The following PLB1 variants were observed in gnomAD, a reference collection of about 807,000 sequenced individuals.
PLB1 encodes the protein phospholipase B1, membrane-associated.
Under a neutral mutation model 227.4 loss-of-function variants are expected in PLB1, and 242 were observed. The observed-to-expected ratio is 1.06, with a 90% CI of 0.96 to 1.18. PLB1 has a LOEUF of 1.18. Ranked by LOEUF, PLB1 falls within the 50% of genes most tolerant of loss-of-function variation. The pLI, the probability that PLB1 is intolerant of heterozygous loss-of-function variation, is 0.00. For synonymous variants in PLB1, 757 were observed against 682.2 expected (o/e 1.11, Z -1.71); for missense variants, 1,858 against 1,816.3 (o/e 1.02, Z -0.42).
chr2:28,505,690 T>G (rs1489748159), intron 1 of PLB1, among the ~76,000 whole-genome samples: 1 of 152,216 alleles, frequency 6.6e-6, no homozygotes, highest in African/African-American at 2.4e-5. Flanking sequence ...TCCTGAAGGT[T>G]GGCTTTCCTT....
At position 28,543,281 on chromosome 2, in the gene PLB1, G is replaced by C; in HGVS notation, c.936+13G>C. 6.2e-7 allele frequency: 1 copy of C among 1,609,872 alleles called. No individual in the cohort carries two copies. On this transcript the variant is annotated intron_variant, in intron 14 of 57. Coordinates refer to ENST00000327757, the MANE Select transcript of PLB1 (RefSeq NM_153021.5). ...CTGGAATAGGATGGTGAGTAGATGG[G>C]GCCTGGGGTGGGGCCCACAGAGGAG...
chr2:28,497,061 T>C (rs1666541507), intron 1 of PLB1, among the ~76,000 whole-genome samples: 1 of 152,200 alleles, frequency 6.6e-6, no homozygotes, highest in African/African-American at 2.4e-5. Flanking sequence ...CTGCACAGGA[T>C]GATTGTATTT....
In PLB1 at chr2:28,632,906, C is replaced by G. The variant is rs200949172; in HGVS notation, c.4003-38C>G. 96 of 1,530,992 alleles carry G rather than the reference C, an allele frequency of 6.3e-5. No homozygotes were observed. The African/African-American group carries it at 1.1e-3, about 18-fold the overall frequency. 94.8% of individuals were successfully genotyped at this position (1,530,992 alleles called of 1,614,324 possible). ...TGAGTGGGGCTCAGGTAGCAGAGCC[C>G]TTTCCCAGGATGATAACCTCCTTGC... is the stretch of plus-strand genomic sequence containing the variant. On this transcript the variant is annotated intron_variant, in intron 55 of 57. Coordinates refer to ENST00000327757, the MANE Select transcript of PLB1 (RefSeq NM_153021.5).
intron 46 of PLB1, among the ~76,000 whole-genome samples, chr2:28,619,826 G>T (rs1192198937): frequency 1.3e-5 from 2 of 152,144 alleles, no homozygotes; most frequent in Non-Finnish European, 2.9e-5. Context: ...GATTGGTGGT[G>T]GGATTTGGCT....
Position 28,604,032 on chromosome 2 carries a change from CAGCCG to C in PLB1, c.2846_2850del (p.Arg949LeufsTer15), listed in dbSNP as rs754926150. The C allele has an allele frequency of 5.0e-6, 8 of 1,613,926 alleles. No individual in the cohort carries two copies. The highest frequency in any genetic ancestry group is 5.9e-6 in the Non-Finnish European group (7 of 1,179,856). ...AAGAGCTAGCCAGGCTGGAGGCCTT[CAGCCG>C]AGCCTACCGGGTAAGACCAAGAAGG... On this transcript the variant is annotated frameshift_variant, in exon 40 of 58. Transcript: ENST00000327757. LOFTEE classifies it high-confidence loss of function.
At chr2:28,608,520 G>A (rs1684999200) in intron 43 of PLB1, among the ~76,000 whole-genome samples, 1 of 152,214 alleles carries the variant, frequency 6.6e-6, no homozygotes, top group Non-Finnish European at 1.5e-5. Context: ...CGTTCTGTGT[G>A]CCAGGTAGGG....
chr2:28,620,717 G>A, intron 48 of PLB1, 74 bp downstream of exon 48: 1 of 1,593,768 alleles, frequency 6.3e-7, no homozygotes, highest in Admixed American at 1.7e-5. Flanking sequence ...GCTGGAGGAG[G>A]GGAAGAGGAG....
At chr2:28,621,144 C>T (rs1186824992) in intron 49 of PLB1, among the ~76,000 whole-genome samples, 166 bp downstream of exon 49, 1 of 152,194 alleles carries the variant, frequency 6.6e-6, no homozygotes, top group Non-Finnish European at 1.5e-5. Context: ...CACCCTTGGA[C>T]AGGGGCACTG....
chr2:28,499,413 C>T (rs143195908), intron 1 of PLB1, among the ~76,000 whole-genome samples: 2 of 152,062 alleles, frequency 1.3e-5, no homozygotes, highest in Admixed American at 1.3e-4. Context: ...TTTGCACCAA[C>T]CTAACACACA....
At position 28,630,610 on chromosome 2, in the gene PLB1, C is replaced by A; in HGVS notation, c.3843C>A (p.His1281Gln). The change falls in exon 54 of 58, where the codon CAC becomes CAA. Residue 1281 changes from histidine to glutamine, a missense_variant. By Grantham distance (24) the His-to-Gln change is conservative. Coordinates refer to ENST00000327757, the MANE Select transcript of PLB1 (RefSeq NM_153021.5). ...AAQNNCTCLR[H>Q]SQSSLEKQEL... ...GGAACAACTGCACTTGCCTCAGACA[C>A]TCGCAAAGCTCCCTGGAGAAGCAAG... 6.2e-7 allele frequency: 1 copy of A among 1,613,770 alleles called. No homozygotes were observed. Among genetic ancestry groups the A allele is most frequent in the Non-Finnish European group, 8.5e-7 (1 of 1,179,828 alleles).
chr2:28,580,419 C>G (rs1314272226), intron 23 of PLB1, among the ~76,000 whole-genome samples: 1 of 152,154 alleles, frequency 6.6e-6, no homozygotes, highest in African/African-American at 2.4e-5. Context: ...GAAGAGAGGT[C>G]TAAAAGCAAA....
chr2:28,534,035 C>A (rs545361772), intron 9 of PLB1, among the ~76,000 whole-genome samples: 2 of 152,246 alleles, frequency 1.3e-5, no homozygotes, highest in South Asian at 2.1e-4. Context: ...TAAATCCAAG[C>A]CTTATTTTGT....
intron 47 of PLB1, 78 bp from the exon 48 acceptor site, chr2:28,620,522 G>A (rs1203179201): frequency 5.9e-6 from 9 of 1,527,992 alleles, no homozygotes; most frequent in African/African-American, 2.7e-5. Context: ...ACCCGGTTCC[G>A]GTTCTGGCTT....
chr2:28,528,676 A>G (rs1670599058), intron 6 of PLB1, among the ~76,000 whole-genome samples: 1 of 152,170 alleles, frequency 6.6e-6, no homozygotes, highest in Non-Finnish European at 1.5e-5. Context: ...CCCTTTCTCT[A>G]ACTTGGAGAT....
intron 1 of PLB1, among the ~76,000 whole-genome samples, chr2:28,504,540 C>T (rs894440227): frequency 5.9e-5 from 9 of 152,140 alleles, no homozygotes; most frequent in Admixed American, 2.0e-4. Context: ...GTCAGGAGTT[C>T]GAGACCAGCC....
intron 56 of PLB1, 58 bp from the exon 57 acceptor site, chr2:28,640,869 G>C: frequency 6.5e-7 from 1 of 1,527,886 alleles, no homozygotes; most frequent in East Asian, 2.4e-5. Flanking sequence ...CACCCCCTCA[G>C]AGAGGAAAGT....
At chr2:28,598,904 C>T (rs1683416820) in intron 35 of PLB1, 144 bp downstream of exon 35, 8 of 705,454 alleles carry the variant, frequency 1.1e-5, no homozygotes, top group Non-Finnish European at 1.8e-5. Flanking sequence ...CCTGCTGCCC[C>T]TGTGACGAAG....
In PLB1 at chr2:28,519,724, T is replaced by C. The variant is rs754162321; in HGVS notation, c.204T>C (p.Ser68=). 6.2e-7 allele frequency: 1 copy of C among 1,611,788 alleles called. No homozygotes were observed. The highest frequency in any genetic ancestry group is 8.5e-7 in the Non-Finnish European group (1 of 1,178,046). Residue 68 remains serine, a synonymous_variant, in exon 4 of 58, where the codon TCT becomes TCC. Coordinates refer to ENST00000327757, the MANE Select transcript of PLB1 (RefSeq NM_153021.5). ...CCACAGTTCACTCTCTGAAGCCTTC[T>C]GATATTAAATTTGTGGCAGCCATTG... is the stretch of plus-strand genomic sequence containing the variant. The part of the protein sequence containing the change: ...PSKSVHSLKP[S]DIKFVAAIGN...
At chr2:28,516,046 G>A (rs1287170881) in intron 1 of PLB1, among the ~76,000 whole-genome samples, 1 of 152,102 alleles carries the variant, frequency 6.6e-6, no homozygotes, top group Non-Finnish European at 1.5e-5. Flanking sequence ...AGCATTGTGG[G>A]TGTTTTTTTC....
Sources: allele counts gnomAD v4.1 joint callset (sites outside exome capture counted in the v4.1 genomes callset), GRCh38; gene constraint gnomAD v4.1.1; transcripts MANE v1.5; gene names NCBI Gene and HGNC (gene_info 2026-07-23, HGNC 2026-07-21).